SHE: variants seen among roughly 807,000 people sequenced by gnomAD.
SHE encodes the protein SH2 domain-containing adapter protein E.
In SHE, 11 loss-of-function variants were observed where a neutral mutation model predicts 49.8. The observed-to-expected ratio is 0.22, with a 90% CI of 0.14 to 0.37. The LOEUF is 0.37. SHE is among the 10% of genes least tolerant of loss of function. The pLI is 1.00. For missense variants in SHE, 624 were observed against 655.5 expected (o/e 0.95, Z 0.52); for synonymous variants, 310 against 278.1 (o/e 1.11, Z -1.14).
chr1:154,487,856 CAAAAAAAA>C (rs543109429), intron 3 of SHE, among the ~76,000 whole-genome samples: 2 of 124,196 alleles, frequency 1.6e-5, no homozygotes, highest in Admixed American at 8.2e-5. Context: ...TCTCAAAAAA[CAAAAAAAA>C]AAAAAGAAAA....
At chr1:154,489,441 C>G in intron 2 of SHE, 85 bp from the exon 3 acceptor site, 1 of 1,486,204 alleles carries the variant, frequency 6.7e-7, no homozygotes, top group Non-Finnish European at 9.1e-7. Context: ...TGGTCATTAA[C>G]CCAACTGCCT....
At chr1:154,490,794 G>GTT (rs768931405) in intron 2 of SHE, among the ~76,000 whole-genome samples, 1 of 145,120 alleles carries the variant, frequency 6.9e-6, no homozygotes, top group Non-Finnish European at 1.5e-5. Flanking sequence ...CCATTATAAG[G>GTT]TTTTTTTTTT....
rs1692019253 is a variant in SHE, at chr1:154,481,579, G to T, written c.*2570C>A. On this transcript the variant is annotated 3_prime_UTR_variant, in exon 6 of 6. Transcript: ENST00000304760. Reference sequence around the variant, plus strand: ...GGCCAAAAATCATTTAGTGCACAAAGAAAAATTGTATAAAGCTTTTAGCAT... The same window carrying T: ...GGCCAAAAATCATTTAGTGCACAAATAAAAATTGTATAAAGCTTTTAGCAT... The T allele has an allele frequency of 2.0e-6, 2 of 985,144 alleles. No individual in the cohort carries two copies. Among genetic ancestry groups the T allele is most frequent in the African/African-American group, 1.7e-5 (1 of 57,178 alleles). 61.0% of individuals were successfully genotyped at this position (985,144 alleles called of 1,614,324 possible). A position where few individuals can be genotyped will look rare whatever the true frequency, so the allele number is the denominator to read the frequency against.
Position 154,499,170 on chromosome 1 carries a change from C to G in SHE, c.660G>C (p.Glu220Asp). ...AKRTKGQRDA[E>D]RVGENDGYME... ...TGTAACCGTCGTTCTCTCCGACTCT[C>G]TCTGCATCCCTTTGACCCTTTGTCC... Residue 220 changes from glutamate (E) to aspartate (D), a missense_variant, in exon 2 of 6, where the codon GAG becomes GAC. By Grantham distance (45) the Glu-to-Asp change is conservative. This residue lies in a region of SHE where 337 missense variants were observed against 306.0 expected (regional missense o/e 1.10). Coordinates refer to ENST00000304760, the MANE Select transcript of SHE (RefSeq NM_001010846.3). 4 of 1,614,206 alleles carry G rather than the reference C, an allele frequency of 2.5e-6. No individual in the cohort carries two copies. Among genetic ancestry groups the G allele is most frequent in the Non-Finnish European group, 3.4e-6 (4 of 1,180,022 alleles).
rs1386551144 is a variant in SHE at position 154,498,075 on chromosome 1, T to C, written c.718+1037A>G. ...AAGTCTTCTACTACAAAATACAGAA[T>C]CACATCATGTTTGCAGTTTTTGTTT... On this transcript the variant is annotated intron_variant, in intron 2 of 5. Coordinates refer to ENST00000304760, the MANE Select transcript of SHE (RefSeq NM_001010846.3). 2.0e-5 allele frequency among the ~76,000 whole-genome samples: 3 copies of C among 151,866 alleles called. No homozygotes were observed. In the East Asian group the frequency reaches 5.8e-4, roughly 29 times the overall value.
chr1:154,486,599 A>G lies in SHE; in HGVS notation c.1109T>C (p.Ile370Thr). Reference protein sequence around the residue: ...HHRQKSWTQKILKPALSDHSE... With the variant: ...HHRQKSWTQKTLKPALSDHSE... ...GTGGTCCGAGAGGGCTGGCTTCAGG[A>G]TCTTCTGGGTCCAGCTCTTCTGCCG... Residue 370 changes from isoleucine to threonine, a missense_variant, in exon 4 of 6, where the codon ATC becomes ACC. Ile to Thr is a moderately conservative substitution (Grantham distance 89, BLOSUM62 -1). This residue lies in a region of SHE where 125 missense variants were observed against 181.7 expected (regional missense o/e 0.69). Transcript: ENST00000304760. 1.9e-6 allele frequency: 3 copies of G among 1,614,072 alleles called. No homozygotes were observed. Among genetic ancestry groups the G allele is most frequent in the Non-Finnish European group, 2.5e-6 (3 of 1,180,014 alleles).
At chr1:154,489,648 G>A (rs1692303833) in intron 2 of SHE, among the ~76,000 whole-genome samples, 1 of 152,244 alleles carries the variant, frequency 6.6e-6, no homozygotes, top group South Asian at 2.1e-4. Flanking sequence ...CCTCCAGGGT[G>A]CCACTTGCAG....
At chr1:154,498,072 G>A (rs1692590489) in intron 2 of SHE, among the ~76,000 whole-genome samples, 1 of 151,576 alleles carries the variant, frequency 6.6e-6, no homozygotes, top group Non-Finnish European at 1.5e-5. Flanking sequence ...ACAAAATACA[G>A]AATCACATCA....
intron 3 of SHE, among the ~76,000 whole-genome samples, chr1:154,487,197 G>A (rs902714523): frequency 6.6e-6 from 1 of 151,054 alleles, no homozygotes; most frequent in Non-Finnish European, 1.5e-5. Flanking sequence ...ACTTGAACCC[G>A]GGAGGCAGAG....
chr1:154,470,589 T>C (rs532360122), intron 1 of SHE, among the ~76,000 whole-genome samples: 147 of 152,182 alleles, frequency 9.7e-4, no homozygotes, highest in Non-Finnish European at 1.8e-3. Flanking sequence ...CCTATAATCC[T>C]AGCACTTTGG....
In SHE at chr1:154,481,977, G is replaced by T; in HGVS notation, c.*2172C>A. On this transcript the variant is annotated 3_prime_UTR_variant, in exon 6 of 6. Transcript: ENST00000304760. ...TCCACCTACCTCAGCCTCCCGAATA[G>T]CTGGAACCACAGGCATCCACCACCA... The T allele has an allele frequency of 5.3e-6, 1 of 188,024 alleles. No individual in the cohort carries two copies. Among genetic ancestry groups the T allele is most frequent in the Non-Finnish European group, 9.8e-6 (1 of 102,452 alleles). 11.6% of individuals were successfully genotyped at this position (188,024 alleles called of 1,614,324 possible). A position where few individuals can be genotyped will look rare whatever the true frequency, so the allele number is the denominator to read the frequency against.
rs1571033134 is a variant in SHE, at chr1:154,472,380, C to T, written c.103-2018G>A. On this transcript the variant is annotated intron_variant, in intron 1 of 1. Transcript: ENST00000486773. ...GTAATGCGGCCAGCTTGTTAGAACC[C>T]CATTCCTGGCTTCACCCTCAGGGAT... is the stretch of plus-strand genomic sequence containing the variant. Among the ~76,000 whole-genome samples, 3 of 152,220 alleles carry T rather than the reference C, an allele frequency of 2.0e-5. No individual in the cohort carries two copies. The South Asian group carries it at 6.2e-4, about 31-fold the overall frequency.
chr1:154,494,613 G>C (rs2149296837), intron 2 of SHE, among the ~76,000 whole-genome samples: 1 of 151,666 alleles, frequency 6.6e-6, no homozygotes, highest in South Asian at 2.1e-4. Context: ...AAATCATTTG[G>C]AAGTAAAAAT....
At chr1:154,474,890 T>C (rs940049339), downstream of SHE, among the ~76,000 whole-genome samples, 1 of 152,184 alleles carries the variant, frequency 6.6e-6, no homozygotes, top group African/African-American at 2.4e-5. Context: ...GTGGAGCTGC[T>C]CTCTGGGTGC....
Position 154,489,141 on chromosome 1 carries a change from T to A in SHE, c.934A>T (p.Ser312Cys). Residue 312 changes from serine (S) to cysteine (C), a missense_variant, in exon 3 of 6, where the codon AGC (serine) becomes TGC (cysteine). By Grantham distance (112) the Ser-to-Cys change is moderately radical. Coordinates refer to ENST00000304760, the MANE Select transcript of SHE (RefSeq NM_001010846.3). Reference sequence around the variant, plus strand: ...CTCTCGTCGTTCTCGGGCAGCCGGCTGTCTGGGGGCCGCGCCTTCCCCTCT... The same window carrying A: ...CTCTCGTCGTTCTCGGGCAGCCGGCAGTCTGGGGGCCGCGCCTTCCCCTCT... ...RAEGKARPPD[S>C]RLPENDERPA... 1 of 1,613,964 alleles carries A rather than the reference T, an allele frequency of 6.2e-7. No individual in the cohort carries two copies. The highest frequency in any genetic ancestry group is 8.5e-7 in the Non-Finnish European group (1 of 1,179,904).
At position 154,481,794 on chromosome 1, in the gene SHE, C is replaced by T; in HGVS notation, c.*2355G>A. On this transcript the variant is annotated 3_prime_UTR_variant, in exon 6 of 6. Transcript: ENST00000304760. ...TTACACTAAAGATATAGTAAATGAACCAATACACACTGAAAACATTCTATC... is the reference window on the plus strand; with the variant it reads ...TTACACTAAAGATATAGTAAATGAATCAATACACACTGAAAACATTCTATC... 4.1e-6 allele frequency: 4 copies of T among 973,906 alleles called. No individual in the cohort carries two copies. The highest frequency in any genetic ancestry group is 4.9e-6 in the Non-Finnish European group (4 of 819,570). 60.3% of individuals were successfully genotyped at this position (973,906 alleles called of 1,614,324 possible).
intron 3 of SHE, 114 bp downstream of exon 3, chr1:154,488,937 T>G: frequency 1.5e-6 from 2 of 1,338,336 alleles, no homozygotes; most frequent in Non-Finnish European, 2.0e-6. Context: ...CAGTTGCACA[T>G]TGAGAAGAGA....
chr1:154,491,333 T>C (rs1420871195), intron 2 of SHE, among the ~76,000 whole-genome samples: 1 of 152,146 alleles, frequency 6.6e-6, no homozygotes, highest in Non-Finnish European at 1.5e-5. Context: ...CCCTGCCCCA[T>C]CTCCCCATAA....
In SHE at chr1:154,484,081, A is replaced by G. The variant is rs1557796337; in HGVS notation, c.*68T>C. ...GTTGCTAGTCCAGCCTTGTCCTCTG[A>G]GATGCTGGTTGTGCGCTGATGATGC... On this transcript the variant is annotated 3_prime_UTR_variant, in exon 6 of 6. Coordinates refer to ENST00000304760, the MANE Select transcript of SHE (RefSeq NM_001010846.3). 2 of 1,553,566 alleles carry G rather than the reference A, an allele frequency of 1.3e-6. No homozygotes were observed. The highest frequency in any genetic ancestry group is 4.6e-5 in the East Asian group (2 of 43,912).
Sources: gnomAD v4.1 joint callset for allele counts (sites outside exome capture counted in the v4.1 genomes callset) on GRCh38, gnomAD v4.1.1 for gene constraint, gnomAD v4.1.1 regional missense constraint, MANE v1.5 for transcripts, NCBI Gene and HGNC (gene_info 2026-07-23, HGNC 2026-07-21) for gene names.